Variants in WNK1 observed in about 807,000 individuals in gnomAD.
The protein encoded by WNK1 is serine/threonine-protein kinase WNK1.
Under a neutral mutation model 222.8 loss-of-function variants are expected in WNK1, and 38 were observed. The observed-to-expected ratio is 0.17, with a 90% CI of 0.13 to 0.22. The LOEUF (loss-of-function observed/expected upper bound fraction) is 0.22, where lower values mean the gene tolerates loss of function less well. Ranked by LOEUF, WNK1 falls within the 10% of genes least tolerant of loss-of-function variation. The probability of loss-of-function intolerance (pLI) is 1.00; values close to 1 mark genes in which losing one functional copy is unlikely to be tolerated. For synonymous variants in WNK1, 1,090 were observed against 1,092.9 expected, an observed-to-expected ratio of 1.00 and a Z score of 0.05; for missense variants, 2,348 against 2,918.4, an observed-to-expected ratio of 0.80 and a Z score of 4.50.
intron 1 of WNK1, among the ~76,000 whole-genome samples, chr12:803,276 TAAAC>T (rs1946052796): frequency 6.6e-6 from 1 of 152,136 alleles, no homozygotes; most frequent in African/African-American, 2.4e-5. Context: ...TTAAAGATCA[TAAAC>T]AAAATAGCAG....
intron 1 of WNK1, among the ~76,000 whole-genome samples, chr12:791,242 C>CACACAT (rs1365992492): frequency 6.6e-6 from 1 of 151,728 alleles, no homozygotes; most frequent in Non-Finnish European, 1.5e-5. Context: ...CACACACACA[C>CACACAT]ACACACACAC....
intron 26 of WNK1, chr12:900,900 AC>A: frequency 3.3e-6 from 2 of 601,656 alleles, no homozygotes; most frequent in Admixed American, 2.4e-5. Flanking sequence ...GTGAAAAGTT[AC>A]ATCTGTGTGG....
chr12:896,708 T>C lies in WNK1; in HGVS notation c.6221T>C (p.Leu2074Ser), dbSNP rs2154094849. The change falls in exon 24 of 28, where the codon TTA becomes TCA. Residue 2074 changes from leucine (L) to serine (S), a missense_variant. Physicochemically the swap from Leu to Ser is moderately radical, Grantham distance 145 (BLOSUM62 -2). This residue lies in a region of WNK1 where 1,144 missense variants were observed against 1,273.6 expected (regional missense o/e 0.90). Transcript: ENST00000315939. Reference protein sequence around the residue: ...ESDIEDEDLKLELRRLRDKHL... With the variant: ...ESDIEDEDLKSELRRLRDKHL... ...GATATCGAAGATGAAGACTTAAAGT[T>C]AGAGCTGCGACGACTACGAGATAAG... 1 of 1,608,396 alleles carries C rather than the reference T, an allele frequency of 6.2e-7. No homozygotes were observed.
chr12:877,120 A>G (rs1351609528), intron 9 of WNK1, among the ~76,000 whole-genome samples: 2 of 130,714 alleles, frequency 1.5e-5, no homozygotes, highest in African/African-American at 2.9e-5. Context: ...CTGGAGTGCA[A>G]TGGTGCAATC....
At position 896,584 on chromosome 12, in the gene WNK1, C is replaced by A; in HGVS notation, c.6097C>A (p.Pro2033Thr). 6.2e-7 allele frequency: 1 copy of A among 1,611,330 alleles called. No individual in the cohort carries two copies. The highest frequency in any genetic ancestry group is 1.1e-5 in the South Asian group (1 of 90,886). ...VDDGSGSPHSPHQLSSKSLPS... is the reference protein window; with the variant it reads ...VDDGSGSPHSTHQLSSKSLPS... ...TGATGGTTCCGGTAGTCCACACTCG[C>A]CCCATCAGCTGAGCTCAAAGAGCCT... is the stretch of plus-strand genomic sequence containing the variant. Residue 2033 changes from proline to threonine, a missense_variant, in exon 24 of 28, where the codon CCC becomes ACC. Transcript: ENST00000315939.
intron 2 of WNK1, among the ~76,000 whole-genome samples, chr12:819,878 A>G (rs1174585650): frequency 6.6e-6 from 1 of 152,188 alleles, no homozygotes; most frequent in Non-Finnish European, 1.5e-5. Flanking sequence ...AATCATATGT[A>G]TAGGTTTATT....
rs1180253355 is a variant in WNK1 at position 885,465 on chromosome 12, G to A, written c.4661G>A (p.Gly1554Glu). 5.6e-6 allele frequency: 9 copies of A among 1,613,702 alleles called. No individual in the cohort carries two copies. The highest frequency in any genetic ancestry group is 7.6e-6 in the Non-Finnish European group (9 of 1,180,020). ...LSAPSSSSSP[G>E]AGVSSYISQP... The stretch of plus-strand genomic sequence containing the variant: ...GCACCATCTTCCTCTTCCTCTCCTG[G>A]AGCAGGAGTGTCTAGTTATATTTCT... The change falls in exon 19 of 28, where the codon GGA becomes GAA. Residue 1554 changes from glycine to glutamate, a missense_variant. Physicochemically the swap from Gly to Glu is moderately conservative, Grantham distance 98 (BLOSUM62 -2). Coordinates refer to ENST00000315939, the MANE Select transcript of WNK1 (RefSeq NM_018979.4).
At chr12:881,648 A>G (rs1282312863) in intron 12 of WNK1, 44 bp from the exon 13 acceptor site, 3 of 1,483,480 alleles carry the variant, frequency 2.0e-6, no homozygotes, top group Non-Finnish European at 2.8e-6. Context: ...AGTGAATGAT[A>G]AATCTATTAC....
intron 1 of WNK1, among the ~76,000 whole-genome samples, chr12:791,579 A>G (rs1175099208): frequency 6.6e-6 from 1 of 151,298 alleles, no homozygotes; most frequent in African/African-American, 2.4e-5. Context: ...AAAAAACTAC[A>G]TTTCCTATTA....
intron 26 of WNK1, chr12:906,418 C>T: frequency 1.0e-6 from 1 of 985,366 alleles, no homozygotes; most frequent in Non-Finnish European, 1.2e-6. Flanking sequence ...AAGCTTCCTC[C>T]TCCCCTTTGC....
intron 5 of WNK1, among the ~76,000 whole-genome samples, chr12:859,015 ACT>A: frequency 6.6e-6 from 1 of 152,286 alleles, no homozygotes; most frequent in South Asian, 2.1e-4. Context: ...AAAAATTATC[ACT>A]GTCAGCTCTT....
intron 14 of WNK1, 136 bp from the exon 15 acceptor site, chr12:882,807 C>T: frequency 1.5e-6 from 1 of 684,094 alleles, no homozygotes; most frequent in Non-Finnish European, 2.6e-6. Flanking sequence ...AGACAAAGTA[C>T]TAGTGCTCCA....
chr12:823,396 G>A (rs1473364361), intron 2 of WNK1, among the ~76,000 whole-genome samples: 1 of 151,902 alleles, frequency 6.6e-6, no homozygotes, highest in Non-Finnish European at 1.5e-5. Flanking sequence ...CTTTATCTAG[G>A]ACTCCCATTG....
In WNK1 at chr12:884,249, G is replaced by A. The variant is rs1273317923; in HGVS notation, c.3844+6G>A. On this transcript the variant is annotated splice_donor_region_variant and intron_variant, in intron 18 of 27. Coordinates refer to ENST00000315939, the MANE Select transcript of WNK1 (RefSeq NM_018979.4). This position sits in a 1 kb window ranked among gnomAD's most constrained non-coding sequence, Gnocchi z 5.6. ...CAGTGAAATAACAGATACAGGTAAG[G>A]GATTGATTCTGCCACATTGTTATGT... is the stretch of plus-strand genomic sequence containing the variant. The A allele has an allele frequency of 6.2e-7, 1 of 1,613,942 alleles. No homozygotes were observed.
intron 2 of WNK1, among the ~76,000 whole-genome samples, chr12:816,677 A>G (rs1276300302): frequency 2.6e-5 from 4 of 152,204 alleles, no homozygotes; most frequent in Admixed American, 2.6e-4. Context: ...ACCGAAGAAC[A>G]TACATGATAA....
chr12:753,493 C>T lies in WNK1; in HGVS notation c.-73C>T, dbSNP rs1281195497. 13 of 1,597,218 alleles carry T rather than the reference C, an allele frequency of 8.1e-6. No individual in the cohort carries two copies. In the Admixed American group the frequency reaches 2.0e-4, roughly 25 times the overall value. On this transcript the variant is annotated 5_prime_UTR_variant, in exon 1 of 28. Transcript: ENST00000315939. The surrounding 1 kb of genome is among the most constrained non-coding windows in gnomAD (Gnocchi z 5.2). The stretch of plus-strand genomic sequence containing the variant: ...CCGCGGTTCCCTGCAGACCTCTGCG[C>T]GGGCGGCTCGGCCCTTCACGCCCTT...
chr12:816,447 A>AT (rs11454038), intron 2 of WNK1, among the ~76,000 whole-genome samples: 19,570 of 145,376 alleles, frequency 0.13, 1,498 homozygotes, highest in Middle Eastern at 0.21. Context: ...TAAAAAAACA[A>AT]TTTTTTTTTT....
rs749650181 is a variant in WNK1, at chr12:807,867, G to C, written c.760-5775G>C. On this transcript the variant is annotated intron_variant, in intron 1 of 27. Transcript: ENST00000315939. ...CCCGAGTAGCTGGGACTACAGGCGC[G>C]CGCCACTACGCCTGGCTAATTTTTT... 2.6e-5 allele frequency among the ~76,000 whole-genome samples: 4 copies of C among 151,746 alleles called. No individual in the cohort carries two copies. The South Asian group carries it at 6.2e-4, about 24-fold the overall frequency.
intron 1 of WNK1, among the ~76,000 whole-genome samples, chr12:769,398 A>G (rs1041697442): frequency 2.0e-4 from 30 of 152,092 alleles, no homozygotes; most frequent in Admixed American, 2.0e-3. Flanking sequence ...AGGTTTTGCC[A>G]TGTTGGCCAG....
Sources: gnomAD v4.1 joint callset for allele counts (sites outside exome capture counted in the v4.1 genomes callset) on GRCh38, gnomAD v4.1.1 for gene constraint, gnomAD v4.1.1 regional missense constraint, Gnocchi (gnomAD v3.1) non-coding constraint, MANE v1.5 for transcripts, NCBI Gene and HGNC (gene_info 2026-07-23, HGNC 2026-07-21) for gene names.